Variants in SLC17A1 observed in about 807,000 individuals in gnomAD.
SLC17A1 encodes the protein solute carrier family 17 member 1.
SLC17A1 carries 51 observed loss-of-function variants against 53.5 expected under a neutral mutation model. That is an observed-to-expected ratio of 0.95 (90% CI 0.76 to 1.20). The LOEUF is 1.20. Ranked by LOEUF, SLC17A1 falls within the 50% of genes most tolerant of loss-of-function variation. The probability of loss-of-function intolerance (pLI) is 0.00; values close to 1 mark genes in which losing one functional copy is unlikely to be tolerated. For synonymous variants in SLC17A1, 179 were observed against 198.8 expected, an observed-to-expected ratio of 0.90 and a Z score of 0.84; for missense variants, 538 against 568.2, an observed-to-expected ratio of 0.95 and a Z score of 0.54.
rs1764707325 is a variant in SLC17A1, at chr6:25,825,427, TG to T, written c.207+1033del. 3.3e-5 allele frequency among the ~76,000 whole-genome samples: 5 copies of T among 151,906 alleles called. No homozygotes were observed. The South Asian group carries it at 1.0e-3, about 32-fold the overall frequency. On this transcript the variant is annotated intron_variant, in intron 3 of 12. Transcript: ENST00000244527. Reference sequence around the variant, plus strand: ...TTTTATTGAATACAGAATTCTAGGTTGGCAGGGGTTTTCTTTCTTTCAACAC... The same window carrying T: ...TTTTATTGAATACAGAATTCTAGGTTGCAGGGGTTTTCTTTCTTTCAACAC...
At chr6:25,778,022 G>A, downstream of SLC17A1, 1 of 1,534,454 alleles carries the variant, frequency 6.5e-7, no homozygotes, top group South Asian at 1.1e-5. Context: ...GTCAGGTGAG[G>A]TCAAATGTTC....
At chr6:25,747,008 T>A in the SLC17A1 span, among the ~76,000 whole-genome samples, 312 of 152,312 alleles carry the variant, frequency 2.0e-3, 1 homozygote, top group Middle Eastern at 0.01. Context: ...AAGTTCACAG[T>A]ATGCTAAAAA....
the SLC17A1 span, among the ~76,000 whole-genome samples, chr6:25,768,180 T>C: frequency 2.0e-5 from 3 of 152,110 alleles, no homozygotes; most frequent in South Asian, 6.2e-4. Context: ...GCTCTCAGAG[T>C]TGAACCAAAG....
chr6:25,733,325 A>G, the SLC17A1 span, among the ~76,000 whole-genome samples: 1 of 152,226 alleles, frequency 6.6e-6, no homozygotes, highest in East Asian at 1.9e-4. Flanking sequence ...CTAAATGATT[A>G]GAAGGAAAGG....
the SLC17A1 span, chr6:25,726,537 T>A: frequency 6.2e-7 from 1 of 1,600,812 alleles, no homozygotes; most frequent in Non-Finnish European, 8.5e-7. Context: ...TCTCCTCGCA[T>A]CAAATTGCAG....
At chr6:25,810,224 C>T (rs570985006) in intron 10 of SLC17A1, among the ~76,000 whole-genome samples, 1 of 152,074 alleles carries the variant, frequency 6.6e-6, no homozygotes. Flanking sequence ...TGGTTAGGAT[C>T]ACAAAAGCAC....
chr6:25,770,160 G>A, the SLC17A1 span: 1 of 1,614,092 alleles, frequency 6.2e-7, no homozygotes, highest in Non-Finnish European at 8.5e-7. Context: ...CAGTGGCTAT[G>A]TGGCTGGAAT....
At chr6:25,811,871 T>C in intron 8 of SLC17A1, 101 bp from the exon 9 acceptor site, 3 of 1,267,376 alleles carry the variant, frequency 2.4e-6, no homozygotes, top group Non-Finnish European at 3.3e-6. Flanking sequence ...AAATGTGTAC[T>C]TTCATATAGG....
At chr6:25,761,889 T>C in the SLC17A1 span, 1 of 1,238,808 alleles carries the variant, frequency 8.1e-7, no homozygotes, top group African/African-American at 1.5e-5. Context: ...TCATATAAGA[T>C]TCTCCCTGTA....
chr6:25,821,624 T>C (rs971912656), intron 3 of SLC17A1, among the ~76,000 whole-genome samples: 8 of 152,228 alleles, frequency 5.3e-5, no homozygotes, highest in Non-Finnish European at 2.9e-5. Context: ...TCTTGGATAG[T>C]TTTTCTTATG....
the SLC17A1 span, among the ~76,000 whole-genome samples, chr6:25,764,505 C>G: frequency 4.6e-5 from 7 of 152,216 alleles, no homozygotes; most frequent in Non-Finnish European, 7.3e-5. Flanking sequence ...ATTATTCCTA[C>G]CACACACTAC....
chr6:25,736,191 CT>C, the SLC17A1 span, among the ~76,000 whole-genome samples: 2 of 152,166 alleles, frequency 1.3e-5, no homozygotes, highest in Non-Finnish European at 2.9e-5. Context: ...AGCAGCTTTT[CT>C]TTCTAGTCTA....
chr6:25,773,741 A>G, the SLC17A1 span: 1 of 1,532,568 alleles, frequency 6.5e-7, no homozygotes, highest in Non-Finnish European at 8.9e-7. Flanking sequence ...CTCATATATA[A>G]TCCTCTGTCT....
At chr6:25,760,638 GTTC>G in the SLC17A1 span, among the ~76,000 whole-genome samples, 1 of 151,986 alleles carries the variant, frequency 6.6e-6, no homozygotes, top group African/African-American at 2.4e-5. Flanking sequence ...CATTTTCCAG[GTTC>G]TTAACTTTGC....
rs1764796759 is a variant in SLC17A1, at chr6:25,827,614, C to T, written c.35-981G>A. Among the ~76,000 whole-genome samples the T allele has an allele frequency of 2.0e-5, 3 of 152,156 alleles. No individual in the cohort carries two copies. In the South Asian group the frequency reaches 6.2e-4, roughly 31 times the overall value. On this transcript the variant is annotated intron_variant, in intron 2 of 12. Transcript: ENST00000244527. The stretch of plus-strand genomic sequence containing the variant: ...CCCTCTCACACTTTGAATCTAGCTA[C>T]TCTGCCTCTGACCTGTACAACCAGA...
chr6:25,779,306 C>T (rs1486487982), downstream of SLC17A1: 60 of 1,392,292 alleles, frequency 4.3e-5, no homozygotes, highest in Middle Eastern at 1.9e-4. Context: ...GACTATGTAA[C>T]GCTAAAGATT....
At chr6:25,750,791 G>C in the SLC17A1 span, among the ~76,000 whole-genome samples, 4 of 151,298 alleles carry the variant, frequency 2.6e-5, no homozygotes, top group African/African-American at 9.7e-5. Flanking sequence ...TGTGTGGGGG[G>C]AGGGGGGTGT....
chr6:25,815,258 A>G (rs1764309142), intron 6 of SLC17A1, among the ~76,000 whole-genome samples: 1 of 135,348 alleles, frequency 7.4e-6, no homozygotes, highest in African/African-American at 2.7e-5. Context: ...GAAGGGAGGG[A>G]GGGAGGGGAA....
the SLC17A1 span, among the ~76,000 whole-genome samples, chr6:25,775,790 T>C: frequency 6.6e-6 from 1 of 152,184 alleles, no homozygotes; most frequent in African/African-American, 2.4e-5. Flanking sequence ...CATGAATGTG[T>C]ATTCTTATTT....
Sources: allele counts gnomAD v4.1 joint callset (sites outside exome capture counted in the v4.1 genomes callset), GRCh38; gene constraint gnomAD v4.1.1; transcripts MANE v1.5; gene names NCBI Gene and HGNC (gene_info 2026-07-23, HGNC 2026-07-21).